Variants in F2R observed in about 807,000 individuals in gnomAD.
The protein encoded by F2R is proteinase-activated receptor 1.
A neutral mutation model predicts 18.3 loss-of-function variants in F2R; 12 were observed. The ratio of observed to expected loss-of-function variants is 0.66; its 90% confidence interval spans 0.42 to 1.06. The LOEUF (loss-of-function observed/expected upper bound fraction) is 1.06. Among genes scored for constraint, F2R ranks in the 50% least tolerant of loss-of-function variants. The probability of loss-of-function intolerance (pLI) is 0.00; values close to 1 mark genes in which losing one functional copy is unlikely to be tolerated. For synonymous variants in F2R, 210 were observed against 219.9 expected, an observed-to-expected ratio of 0.95 and a Z score of 0.40; for missense variants, 438 against 530.8, an observed-to-expected ratio of 0.83 and a Z score of 1.72.
rs150385330 is a variant in F2R, at chr5:76,729,110, A to G, written c.89-3204A>G. ...ACTGTTTTTCGTAATGGCTATGCCA[A>G]TTTAAATTCCCACCATCAGTATAGA... On this transcript the variant is annotated intron_variant, in intron 1 of 1. Coordinates refer to ENST00000319211, the MANE Select transcript of F2R (RefSeq NM_001992.5). 8.1e-4 allele frequency among the ~76,000 whole-genome samples: 123 copies of G among 152,350 alleles called. 1 individual carries two copies. The East Asian group carries it at 0.017, about 21-fold the overall frequency.
At chr5:76,728,630 G>A (rs1748614144) in intron 1 of F2R, among the ~76,000 whole-genome samples, 1 of 149,374 alleles carries the variant, frequency 6.7e-6, no homozygotes, top group Non-Finnish European at 1.5e-5. Context: ...CCATAACTGG[G>A]CTATTATAAA....
chr5:76,716,708 G>A (rs770768275), intron 1 of F2R: 1 of 718,684 alleles, frequency 1.4e-6, no homozygotes, highest in Non-Finnish European at 2.5e-6. Context: ...ACTTGTCATT[G>A]TGTTTCTCCC....
intron 1 of F2R, among the ~76,000 whole-genome samples, chr5:76,726,986 A>T (rs918940414): frequency 3.3e-5 from 5 of 152,180 alleles, no homozygotes; most frequent in African/African-American, 1.2e-4. Flanking sequence ...ATACTTCCAG[A>T]AAAGATTGTG....
rs1748730368 is a variant in F2R at position 76,733,784 on chromosome 5, CAT to C, written c.*282_*283del. 1 of 417,410 alleles carries C rather than the reference CAT, an allele frequency of 2.4e-6. No homozygotes were observed. The highest frequency in any genetic ancestry group is 4.8e-5 in the East Asian group (1 of 20,868). 25.9% of individuals were successfully genotyped at this position (417,410 alleles called of 1,614,324 possible). A position where few individuals can be genotyped will look rare whatever the true frequency, so the allele number is the denominator to read the frequency against. On this transcript the variant is annotated 3_prime_UTR_variant, in exon 2 of 2. Coordinates refer to ENST00000319211, the MANE Select transcript of F2R (RefSeq NM_001992.5). ...TAGCTAGGTGACATATACATACTTACATGTGTGTATATGTAGATGTATGCACA... is the reference window on the plus strand; with the variant it reads ...TAGCTAGGTGACATATACATACTTACGTGTGTATATGTAGATGTATGCACA...
chr5:76,722,370 G>A (rs1183143123), intron 1 of F2R, among the ~76,000 whole-genome samples: 1 of 152,148 alleles, frequency 6.6e-6, no homozygotes, highest in Non-Finnish European at 1.5e-5. Context: ...GGGAAAGCCG[G>A]GGAACCTGAG....
intron 1 of F2R, 22 bp from the exon 2 acceptor site, chr5:76,732,292 T>A (rs1580894991): frequency 6.5e-6 from 10 of 1,547,620 alleles, no homozygotes; most frequent in African/African-American, 2.8e-5. Flanking sequence ...ACATTTAAAA[T>A]TTTTTTAATT....
At chr5:76,726,305 G>C (rs1227022539) in intron 1 of F2R, among the ~76,000 whole-genome samples, 1 of 152,086 alleles carries the variant, frequency 6.6e-6, no homozygotes. Context: ...GCCGAGGTGG[G>C]TGGATCACGA....
At chr5:76,724,677 C>T (rs1355758894) in intron 1 of F2R, among the ~76,000 whole-genome samples, 1 of 152,138 alleles carries the variant, frequency 6.6e-6, no homozygotes, top group East Asian at 1.9e-4. Flanking sequence ...AATTCATTTC[C>T]ATCATTATTC....
intron 1 of F2R, among the ~76,000 whole-genome samples, chr5:76,723,852 A>G (rs1440147006): frequency 6.6e-6 from 1 of 152,184 alleles, no homozygotes; most frequent in Non-Finnish European, 1.5e-5. Flanking sequence ...CCCATCATCC[A>G]GCTTCAACAT....
intron 1 of F2R, among the ~76,000 whole-genome samples, chr5:76,727,231 A>T (rs1213220191): frequency 6.6e-6 from 1 of 152,252 alleles, no homozygotes; most frequent in Non-Finnish European, 1.5e-5. Flanking sequence ...ATGGTTTCCA[A>T]AGTGAATGTA....
chr5:76,731,212 C>T (rs1347696370), intron 1 of F2R, among the ~76,000 whole-genome samples: 1 of 152,156 alleles, frequency 6.6e-6, no homozygotes, highest in Non-Finnish European at 1.5e-5. Flanking sequence ...TCTACATTCT[C>T]CTGTGTAAGC....
chr5:76,730,639 C>G (rs1748652664), intron 1 of F2R, among the ~76,000 whole-genome samples: 1 of 152,146 alleles, frequency 6.6e-6, no homozygotes, highest in Non-Finnish European at 1.5e-5. Flanking sequence ...TGGACACTAT[C>G]TACCTCTAAT....
intron 1 of F2R, among the ~76,000 whole-genome samples, chr5:76,721,240 T>C (rs937398808): frequency 2.0e-5 from 3 of 152,224 alleles, no homozygotes; most frequent in African/African-American, 7.2e-5. Context: ...GAGGACTCCA[T>C]AGTTTTACCA....
Position 76,716,223 on chromosome 5 carries a change from C to A in F2R, c.-85C>A. 9.0e-7 allele frequency: 1 copy of A among 1,115,794 alleles called. No homozygotes were observed. Among genetic ancestry groups the A allele is most frequent in the Non-Finnish European group, 1.2e-6 (1 of 861,842 alleles). The allele number at this position is 1,115,794 out of a possible 1,614,324, so 69.1% of individuals were successfully genotyped here. A position where few individuals can be genotyped will look rare whatever the true frequency, so the allele number is the denominator to read the frequency against. Reference sequence around the variant, plus strand: ...CCTGCCGCGAAGACCGGCTCCCCGACCCGCAGAAGTCAGGAGAGAGGGTGA... The same window carrying A: ...CCTGCCGCGAAGACCGGCTCCCCGAACCGCAGAAGTCAGGAGAGAGGGTGA... On this transcript the variant is annotated 5_prime_UTR_variant, in exon 1 of 2. Coordinates refer to ENST00000319211, the MANE Select transcript of F2R (RefSeq NM_001992.5).
Position 76,716,346 on chromosome 5 carries a change from C to T in F2R, c.39C>T (p.Phe13=). ...PRRLLLVAAC[F]SLCGPLLSAR... ...GGCTGCTGCTGGTGGCCGCCTGCTT[C>T]AGTCTGTGCGGCCCGCTGTTGTCTG... Residue 13 remains phenylalanine (F), a synonymous_variant, in exon 1 of 2, where the codon TTC becomes TTT. Transcript: ENST00000319211. 1 of 1,452,246 alleles carries T rather than the reference C, an allele frequency of 6.9e-7. No homozygotes were observed. Among genetic ancestry groups the T allele is most frequent in the Non-Finnish European group, 9.1e-7 (1 of 1,103,718 alleles). 90.0% of individuals were successfully genotyped at this position (1,452,246 alleles called of 1,614,324 possible).
At chr5:76,732,129 G>A (rs1035564518) in intron 1 of F2R, among the ~76,000 whole-genome samples, 185 bp from the exon 2 acceptor site, 2 of 152,098 alleles carry the variant, frequency 1.3e-5, no homozygotes, top group African/African-American at 4.8e-5. Flanking sequence ...CAAGACAAAT[G>A]TTTCACAGTA....
At chr5:76,726,721 A>T (rs1349563882) in intron 1 of F2R, among the ~76,000 whole-genome samples, 2 of 152,202 alleles carry the variant, frequency 1.3e-5, no homozygotes, top group African/African-American at 2.4e-5. Flanking sequence ...TGGTTCCTCT[A>T]GATCAGCATT....
intron 1 of F2R, among the ~76,000 whole-genome samples, chr5:76,720,084 A>G (rs1256793565): frequency 6.6e-6 from 1 of 152,056 alleles, no homozygotes. Context: ...CTGCCCTACT[A>G]TCTATCTATC....
Position 76,723,900 on chromosome 5 carries a change from C to A in F2R, c.88+7505C>A, listed in dbSNP as rs192736684. ...ACCAATCTTGTTTTATCTAAACCCT[C>A]AAGTTTCCTCCTCTCCCAACTGTAT... On this transcript the variant is annotated intron_variant, in intron 1 of 1. Coordinates refer to ENST00000319211, the MANE Select transcript of F2R (RefSeq NM_001992.5). 9.2e-5 allele frequency among the ~76,000 whole-genome samples: 14 copies of A among 152,292 alleles called. No individual in the cohort carries two copies. The East Asian group carries it at 2.5e-3, about 27-fold the overall frequency.
Sources: gnomAD v4.1 joint callset for allele counts (sites outside exome capture counted in the v4.1 genomes callset) on GRCh38, gnomAD v4.1.1 for gene constraint, MANE v1.5 for transcripts, NCBI Gene and HGNC (gene_info 2026-07-23, HGNC 2026-07-21) for gene names.